Variants in COL24A1 observed in about 807,000 individuals in gnomAD.
COL24A1 encodes the protein collagen alpha-1(XXIV) chain.
A neutral mutation model predicts 253.9 loss-of-function variants in COL24A1; 224 were observed. The observed-to-expected ratio is 0.88, with a 90% CI of 0.79 to 0.99. The LOEUF is 0.99. COL24A1 is among the 50% of genes least tolerant of loss of function. The pLI, the probability that COL24A1 is intolerant of heterozygous loss-of-function variation, is 0.00. For missense variants in COL24A1, 2,131 were observed against 2,068.5 expected (o/e 1.03, Z -0.59); for synonymous variants, 685 against 673.7 (o/e 1.02, Z -0.26).
intron 31 of COL24A1, among the ~76,000 whole-genome samples, chr1:85,891,544 C>T (rs1280914131): frequency 6.6e-6 from 1 of 152,118 alleles, no homozygotes; most frequent in Non-Finnish European, 1.5e-5. Flanking sequence ...ATGCTATGTT[C>T]AGTTTTTCTG....
Position 85,992,759 on chromosome 1 carries a change from A to G in COL24A1, c.2311-5105T>C, listed in dbSNP as rs191363249. Reference sequence around the variant, plus strand: ...ATTTAGAAAACATTAATAAGTCCAAACATTTTCTCTCACAATGTGTTTTAC... The same window carrying G: ...ATTTAGAAAACATTAATAAGTCCAAGCATTTTCTCTCACAATGTGTTTTAC... On this transcript the variant is annotated intron_variant, in intron 19 of 59. Coordinates refer to ENST00000370571, the MANE Select transcript of COL24A1 (RefSeq NM_152890.7). Among the ~76,000 whole-genome samples the G allele has an allele frequency of 2.4e-3, 366 of 152,274 alleles. 2 individuals carry two copies. Among genetic ancestry groups the G allele is most frequent in the African/African-American group, 8.6e-3 (357 of 41,562 alleles).
chr1:86,075,536 C>A (rs887908235), intron 7 of COL24A1, among the ~76,000 whole-genome samples: 1 of 152,154 alleles, frequency 6.6e-6, no homozygotes, highest in Non-Finnish European at 1.5e-5. Context: ...CTCCTTAACT[C>A]ATTTTATGAG....
chr1:85,947,884 C>T (rs1023524297), intron 24 of COL24A1, among the ~76,000 whole-genome samples: 3 of 151,860 alleles, frequency 2.0e-5, no homozygotes, highest in African/African-American at 2.4e-5. Context: ...TGGAATTTGG[C>T]AGCCATGCAT....
chr1:85,969,357 C>A (rs1558840876), intron 22 of COL24A1, among the ~76,000 whole-genome samples: 2 of 151,996 alleles, frequency 1.3e-5, no homozygotes. Flanking sequence ...GTAATCCCAG[C>A]ACTTTGGGAG....
chr1:86,123,443 G>A (rs1342863561), intron 3 of COL24A1, among the ~76,000 whole-genome samples: 2 of 151,940 alleles, frequency 1.3e-5, no homozygotes, highest in African/African-American at 4.8e-5. Context: ...AGTTATAAAT[G>A]TACTTCCTTT....
intron 16 of COL24A1, 120 bp downstream of exon 16, chr1:86,022,713 A>G: frequency 8.0e-7 from 1 of 1,255,270 alleles, no homozygotes; most frequent in Non-Finnish European, 1.1e-6. Flanking sequence ...AGGAAAACTA[A>G]TATAATTGAT....
At chr1:85,745,940 C>T (rs1466408250) in intron 55 of COL24A1, among the ~76,000 whole-genome samples, 1 of 152,150 alleles carries the variant, frequency 6.6e-6, no homozygotes, top group African/African-American at 2.4e-5. Flanking sequence ...GTAGTCACCA[C>T]ATTAATTTAA....
chr1:85,929,041 C>A (rs1687587131), intron 24 of COL24A1, among the ~76,000 whole-genome samples: 2 of 19,100 alleles, frequency 1.0e-4, no homozygotes, highest in African/African-American at 2.6e-4. Context: ...GCAAAATCAC[C>A]AGCTAACATC....
At chr1:86,104,781 CA>C (rs1704792425) in intron 5 of COL24A1, among the ~76,000 whole-genome samples, 1 of 152,200 alleles carries the variant, frequency 6.6e-6, no homozygotes, top group Non-Finnish European at 1.5e-5. Context: ...GACCATTGAT[CA>C]CAGCATTCCA....
intron 18 of COL24A1, among the ~76,000 whole-genome samples, chr1:86,018,512 C>A (rs1311315278): frequency 6.6e-6 from 1 of 152,180 alleles, no homozygotes; most frequent in Non-Finnish European, 1.5e-5. Flanking sequence ...CAAAATCCAA[C>A]CACAAAGCTA....
chr1:85,785,850 G>C (rs548296954), intron 48 of COL24A1, among the ~76,000 whole-genome samples: 1 of 152,306 alleles, frequency 6.6e-6, no homozygotes, highest in African/African-American at 2.4e-5. Flanking sequence ...TTCTAAAAGA[G>C]GTTTTGTCTG....
chr1:85,745,611 T>C, intron 55 of COL24A1, 105 bp from the exon 56 acceptor site: 1 of 749,968 alleles, frequency 1.3e-6, no homozygotes, highest in Non-Finnish European at 2.1e-6. Context: ...TATACCAGAC[T>C]TATTATCTGA....
chr1:86,083,413 A>C (rs948118419), intron 7 of COL24A1, among the ~76,000 whole-genome samples: 1 of 151,918 alleles, frequency 6.6e-6, no homozygotes. Context: ...TATCATTTAC[A>C]TAATAGTGGT....
chr1:85,860,886 G>A (rs445782), intron 37 of COL24A1, among the ~76,000 whole-genome samples: 89,815 of 152,056 alleles, frequency 0.59, 26,730 homozygotes, highest in South Asian at 0.75. Flanking sequence ...ATAATATTTC[G>A]CATGTTATTT....
chr1:85,769,568 G>A (rs750139751), intron 53 of COL24A1, among the ~76,000 whole-genome samples: 12 of 152,018 alleles, frequency 7.9e-5, no homozygotes, highest in Non-Finnish European at 1.8e-4. Context: ...ATCAGCAGGA[G>A]CTCTCTACCA....
chr1:86,002,817 A>G (rs585708), intron 19 of COL24A1, among the ~76,000 whole-genome samples: 110,527 of 152,072 alleles, frequency 0.73, 41,510 homozygotes, highest in African/African-American at 0.9. Flanking sequence ...GCAAGAGCAA[A>G]TTGAGAGTCT....
chr1:85,935,660 C>A (rs531435505), intron 24 of COL24A1, among the ~76,000 whole-genome samples: 2 of 147,114 alleles, frequency 1.4e-5, no homozygotes, highest in Non-Finnish European at 3.0e-5. Flanking sequence ...CTTCTGTATC[C>A]CAGGCAGTAG....
At chr1:85,833,842 C>A (rs1675662802) in intron 43 of COL24A1, among the ~76,000 whole-genome samples, 2 of 151,946 alleles carry the variant, frequency 1.3e-5, no homozygotes, top group African/African-American at 4.8e-5. Context: ...TGGAAACCAT[C>A]ATTCTCAGCA....
chr1:85,839,794 C>T (rs1338491818), intron 42 of COL24A1, among the ~76,000 whole-genome samples: 1 of 151,986 alleles, frequency 6.6e-6, no homozygotes, highest in Non-Finnish European at 1.5e-5. Context: ...TAATTTTAAT[C>T]CTTAAGCCAA....
Sources: gnomAD v4.1 joint callset for allele counts (sites outside exome capture counted in the v4.1 genomes callset) on GRCh38, gnomAD v4.1.1 for gene constraint, MANE v1.5 for transcripts, NCBI Gene and HGNC (gene_info 2026-07-23, HGNC 2026-07-21) for gene names.